Variants in GABRB1 observed in about 807,000 individuals in gnomAD.
The protein encoded by GABRB1 is gamma-aminobutyric acid receptor subunit beta-1.
In GABRB1, 17 loss-of-function variants were observed where a neutral mutation model predicts 51.6. The observed-to-expected ratio is 0.33, with a 90% CI of 0.23 to 0.49. GABRB1 has a LOEUF of 0.49. Ranked by LOEUF, GABRB1 falls within the 20% of genes least tolerant of loss-of-function variation. GABRB1 has a pLI of 0.99. For synonymous variants in GABRB1, 247 were observed against 218.9 expected (o/e 1.13, Z -1.14); for missense variants, 410 against 600.6 (o/e 0.68, Z 3.32).
intron 8 of GABRB1, among the ~76,000 whole-genome samples, chr4:47,417,634 G>T (rs1157561183): frequency 2.0e-5 from 3 of 152,216 alleles, no homozygotes; most frequent in Admixed American, 1.3e-4. Flanking sequence ...GCACTAGTTG[G>T]CTTCATTAAG....
At chr4:47,182,671 T>C (rs756435832) in intron 4 of GABRB1, among the ~76,000 whole-genome samples, 16 of 151,962 alleles carry the variant, frequency 1.1e-4, no homozygotes, top group Non-Finnish European at 1.8e-4. Flanking sequence ...ATCCAAAATC[T>C]CTCTGCTGAC....
chr4:47,005,970 A>G (rs1364944845), intron 1 of GABRB1, among the ~76,000 whole-genome samples: 1 of 149,822 alleles, frequency 6.7e-6, no homozygotes, highest in Admixed American at 6.7e-5. Flanking sequence ...ACTTGGAAGT[A>G]TCTGATTTGA....
At chr4:47,211,527 G>A (rs1234192980) in intron 4 of GABRB1, among the ~76,000 whole-genome samples, 2 of 152,170 alleles carry the variant, frequency 1.3e-5, no homozygotes, top group East Asian at 3.8e-4. Flanking sequence ...TATACAGTGT[G>A]GACAAGGTTT....
chr4:47,068,252 C>G (rs1727170092), intron 3 of GABRB1, among the ~76,000 whole-genome samples: 1 of 152,170 alleles, frequency 6.6e-6, no homozygotes. Context: ...GATCATTTAT[C>G]CAGATCACTA....
intron 3 of GABRB1, among the ~76,000 whole-genome samples, chr4:47,102,453 T>C (rs942829930): frequency 6.6e-6 from 1 of 151,786 alleles, no homozygotes; most frequent in Non-Finnish European, 1.5e-5. Context: ...GCAATGTGAG[T>C]ATATATGAAA....
At chr4:47,198,362 T>C (rs1206903414) in intron 4 of GABRB1, among the ~76,000 whole-genome samples, 1 of 152,118 alleles carries the variant, frequency 6.6e-6, no homozygotes, top group Non-Finnish European at 1.5e-5. Context: ...TGTAAATGGA[T>C]AATGAATAAA....
At chr4:47,166,255 T>C (rs1369609140) in intron 4 of GABRB1, among the ~76,000 whole-genome samples, 1 of 152,042 alleles carries the variant, frequency 6.6e-6, no homozygotes, top group Non-Finnish European at 1.5e-5. Flanking sequence ...AGTCCATTTA[T>C]TGGAGGATTT....
chr4:47,074,050 T>C (rs1172830137), intron 3 of GABRB1, among the ~76,000 whole-genome samples: 1 of 152,232 alleles, frequency 6.6e-6, no homozygotes. Flanking sequence ...AATTTAAATA[T>C]GTGTAAGATA....
chr4:46,994,109 C>G (rs1723891592), intron 1 of GABRB1: 1 of 152,326 alleles, frequency 6.6e-6, no homozygotes, highest in Admixed American at 6.5e-5. Context: ...GCAATGAAAG[C>G]AGAAAGATTC....
intron 5 of GABRB1, among the ~76,000 whole-genome samples, chr4:47,374,462 G>C (rs76087962): frequency 6.6e-6 from 1 of 152,148 alleles, no homozygotes; most frequent in Non-Finnish European, 1.5e-5. Context: ...CAGGGATAAG[G>C]GAAAACTGTT....
chr4:47,298,064 G>A (rs1444317446), intron 4 of GABRB1, among the ~76,000 whole-genome samples: 1 of 152,126 alleles, frequency 6.6e-6, no homozygotes, highest in South Asian at 2.1e-4. Context: ...AAACTCTCAA[G>A]AAATTAGGTA....
At position 47,150,182 on chromosome 4, in the gene GABRB1, AACACACACACACACACACACAC is replaced by A. The variant is rs36209473; in HGVS notation, c.241-11054_241-11033del. On this transcript the variant is annotated intron_variant, in intron 3 of 8. Coordinates refer to ENST00000295454, the MANE Select transcript of GABRB1 (RefSeq NM_000812.4). The stretch of plus-strand genomic sequence containing the variant: ...CCTATGCTTATACACACACACACAC[AACACACACACACACACACACAC>A]ACACACACACACGCACACAGTTATT... Among the ~76,000 whole-genome samples the A allele has an allele frequency of 2.6e-3, 365 of 141,616 alleles. No individual in the cohort carries two copies. In the Middle Eastern group the frequency reaches 0.042, roughly 16 times the overall value. 92.9% of individuals were successfully genotyped at this position (141,616 alleles called of 152,430 possible).
chr4:47,262,713 T>A (rs529510600), intron 4 of GABRB1, among the ~76,000 whole-genome samples: 3 of 152,316 alleles, frequency 2.0e-5, no homozygotes, highest in African/African-American at 7.2e-5. Flanking sequence ...CAAGGGACTA[T>A]AAATCATGCT....
At chr4:47,388,085 A>G (rs555185449) in intron 5 of GABRB1, among the ~76,000 whole-genome samples, 2 of 152,316 alleles carry the variant, frequency 1.3e-5, no homozygotes, top group East Asian at 3.9e-4. Flanking sequence ...CTACAAATTA[A>G]TCAAGGGTCT....
intron 5 of GABRB1, among the ~76,000 whole-genome samples, chr4:47,331,851 A>G (rs1432872543): frequency 6.6e-6 from 1 of 152,188 alleles, no homozygotes; most frequent in Non-Finnish European, 1.5e-5. Context: ...AACTAGCTTC[A>G]AGACAAAAAT....
upstream of GABRB1, chr4:47,031,307 A>C (rs996906796): frequency 6.3e-5 from 17 of 270,636 alleles, no homozygotes; most frequent in African/African-American, 3.5e-4. Context: ...AGCGCCCAGT[A>C]AAAAAAACAA....
At chr4:47,384,221 G>A (rs534104895) in intron 5 of GABRB1, among the ~76,000 whole-genome samples, 1 of 151,904 alleles carries the variant, frequency 6.6e-6, no homozygotes, top group East Asian at 1.9e-4. Context: ...TATAATCTTT[G>A]TTATATGTAC....
chr4:47,401,443 A>G (rs192449618), intron 5 of GABRB1, among the ~76,000 whole-genome samples: 1 of 152,258 alleles, frequency 6.6e-6, no homozygotes, highest in East Asian at 1.9e-4. Context: ...TTCCTTCTTT[A>G]GTAGGCCCAA....
intron 3 of GABRB1, among the ~76,000 whole-genome samples, chr4:47,100,030 G>A (rs1418473819): frequency 1.3e-5 from 2 of 151,992 alleles, no homozygotes; most frequent in East Asian, 1.9e-4. Flanking sequence ...AAAAGATTGT[G>A]TATTTACTTA....
Sources: allele counts gnomAD v4.1 joint callset (sites outside exome capture counted in the v4.1 genomes callset), GRCh38; gene constraint gnomAD v4.1.1; transcripts MANE v1.5; gene names NCBI Gene and HGNC (gene_info 2026-07-23, HGNC 2026-07-21).